The following ARIH1 variants were observed in gnomAD, a reference collection of about 807,000 sequenced individuals.
ARIH1 encodes E3 ubiquitin-protein ligase ARIH1.
ARIH1 carries 8 observed loss-of-function variants against 85.0 expected under a neutral mutation model. The observed-to-expected ratio is 0.09, with a 90% confidence interval of 0.06 to 0.17. The LOEUF (loss-of-function observed/expected upper bound fraction) is 0.17. Among genes scored for constraint, ARIH1 ranks in the 10% least tolerant of loss-of-function variants. The probability of loss-of-function intolerance (pLI) is 1.00; values close to 1 mark genes in which losing one functional copy is unlikely to be tolerated. For synonymous variants in ARIH1, 238 were observed against 253.6 expected (o/e 0.94, Z 0.59); for missense variants, 311 against 718.1 (o/e 0.43, Z 6.48).
chr15:72,479,023 G>C (rs1414970435), intron 1 of ARIH1, among the ~76,000 whole-genome samples: 1 of 151,824 alleles, frequency 6.6e-6, no homozygotes, highest in Non-Finnish European at 1.5e-5. Context: ...CTTTTTTGTA[G>C]AGACACAGGG....
intron 1 of ARIH1, among the ~76,000 whole-genome samples, chr15:72,517,126 C>T (rs2063978577): frequency 6.6e-6 from 1 of 152,140 alleles, no homozygotes; most frequent in South Asian, 2.1e-4. Flanking sequence ...GGTAACTTTT[C>T]TTTCTTGAAA....
intron 1 of ARIH1, among the ~76,000 whole-genome samples, chr15:72,504,753 T>C (rs1395319408): frequency 1.3e-5 from 2 of 152,160 alleles, no homozygotes; most frequent in Non-Finnish European, 2.9e-5. Flanking sequence ...TTCAGGCTTT[T>C]TGGTTTGAAG....
chr15:72,502,372 T>G (rs2063907446), intron 1 of ARIH1, among the ~76,000 whole-genome samples: 1 of 152,254 alleles, frequency 6.6e-6, no homozygotes, highest in Admixed American at 6.5e-5. Flanking sequence ...GGCACATTTA[T>G]TAACAAGTTT....
intron 1 of ARIH1, among the ~76,000 whole-genome samples, chr15:72,483,857 T>C (rs2063826187): frequency 6.6e-6 from 1 of 152,000 alleles, no homozygotes; most frequent in Non-Finnish European, 1.5e-5. Context: ...TTTTTTTCAT[T>C]ACTGTTTTTA....
chr15:72,560,994 A>C (rs1469814183), intron 5 of ARIH1, among the ~76,000 whole-genome samples: 1 of 152,214 alleles, frequency 6.6e-6, no homozygotes, highest in Admixed American at 6.5e-5. Context: ...GAGCTCTCAG[A>C]AGAAGAAGGC....
intron 3 of ARIH1, among the ~76,000 whole-genome samples, chr15:72,551,662 GT>G (rs1229564969): frequency 6.6e-6 from 1 of 152,140 alleles, no homozygotes; most frequent in African/African-American, 2.4e-5. Context: ...ACGGTGATAA[GT>G]TTCACTGTGA....
chr15:72,481,482 G>A (rs934266248), intron 1 of ARIH1, among the ~76,000 whole-genome samples: 1 of 152,194 alleles, frequency 6.6e-6, no homozygotes, highest in Admixed American at 6.5e-5. Context: ...ACTGTGCCAG[G>A]CAGATCACTT....
At chr15:72,495,753 G>A (rs958914887) in intron 1 of ARIH1, among the ~76,000 whole-genome samples, 4 of 151,962 alleles carry the variant, frequency 2.6e-5, no homozygotes, top group African/African-American at 9.7e-5. Flanking sequence ...AAAAATTTCT[G>A]TATCAAAACA....
At chr15:72,475,123 G>GTGCCTCCCGGCCTTGTCTTCTCCGC in intron 1 of ARIH1, 109 bp downstream of exon 1, 1 of 1,460,330 alleles carries the variant, frequency 6.8e-7, no homozygotes, top group Non-Finnish European at 9.1e-7. Flanking sequence ...GCCTAGCCCG[G>GTGCCTCCCGGCCTTGTCTTCTCCGC]TGCCTCCCGG....
chr15:72,512,563 A>T (rs1595857492), intron 1 of ARIH1, among the ~76,000 whole-genome samples: 18 of 105,984 alleles, frequency 1.7e-4, no homozygotes, highest in South Asian at 2.9e-4. Flanking sequence ...GCTGTTTATT[A>T]TTCCCTTTCT....
chr15:72,519,475 G>GTTTT (rs150165121), intron 2 of ARIH1, among the ~76,000 whole-genome samples: 34 of 62,552 alleles, frequency 5.4e-4, no homozygotes, highest in South Asian at 1.6e-3. Flanking sequence ...TGTTTTTTTT[G>GTTTT]TTTTTTTTTT....
At chr15:72,483,723 TAAC>T (rs946604143) in intron 1 of ARIH1, among the ~76,000 whole-genome samples, 4 of 152,166 alleles carry the variant, frequency 2.6e-5, no homozygotes, top group African/African-American at 9.7e-5. Context: ...ACATTCCTAA[TAAC>T]CTTTCAGTGG....
At chr15:72,536,428 A>G (rs2064082205) in intron 2 of ARIH1, among the ~76,000 whole-genome samples, 1 of 152,080 alleles carries the variant, frequency 6.6e-6, no homozygotes, top group Non-Finnish European at 1.5e-5. Flanking sequence ...ATTTACCTGC[A>G]TAGTTTTACA....
rs1395374680 is a variant in ARIH1 at position 72,474,522 on chromosome 15, G to A, written c.-118G>A. 30 of 1,300,890 alleles carry A rather than the reference G, an allele frequency of 2.3e-5. No individual in the cohort carries two copies. Among genetic ancestry groups the A allele is most frequent in the Non-Finnish European group, 3.0e-5 (30 of 994,516 alleles). The allele number at this position is 1,300,890 out of a possible 1,614,324, so 80.6% of individuals were successfully genotyped here. On this transcript the variant is annotated 5_prime_UTR_variant, in exon 1 of 14. Transcript: ENST00000379887. ...CCTGGGGAGGAGCCGCGGCTCGCGG[G>A]GCCGGAGCCAGGCCTGCGTCCGGAC... is the stretch of plus-strand genomic sequence containing the variant.
chr15:72,490,875 T>C (rs1453125023), intron 1 of ARIH1, among the ~76,000 whole-genome samples: 1 of 152,114 alleles, frequency 6.6e-6, no homozygotes, highest in Non-Finnish European at 1.5e-5. Flanking sequence ...CCCTGCACTT[T>C]GGGAGGCCGA....
chr15:72,478,208 T>G (rs1356768071), intron 1 of ARIH1, among the ~76,000 whole-genome samples: 1 of 152,096 alleles, frequency 6.6e-6, no homozygotes, highest in African/African-American at 2.4e-5. Context: ...CTCCGCCTCT[T>G]GGGTTCAAGC....
chr15:72,594,761 A>C lies in ARIH1; in HGVS notation c.*11469A>C, dbSNP rs986574323. Reference sequence around the variant, plus strand: ...ATATTAAATAGATACACAACAGTGTAGTCTGCAAATAATGTTTTTACTTCT... The same window carrying C: ...ATATTAAATAGATACACAACAGTGTCGTCTGCAAATAATGTTTTTACTTCT... On this transcript the variant is annotated 3_prime_UTR_variant, in exon 14 of 14. Coordinates refer to ENST00000379887, the MANE Select transcript of ARIH1 (RefSeq NM_005744.5). The C allele has an allele frequency of 1.4e-5, 2 of 145,688 alleles. No homozygotes were observed. Among genetic ancestry groups the C allele is most frequent in the East Asian group, 4.2e-4 (2 of 4,708 alleles). 9.0% of individuals were successfully genotyped at this position (145,688 alleles called of 1,614,324 possible).
At position 72,494,761 on chromosome 15, in the gene ARIH1, G is replaced by T. The variant is rs367976351; in HGVS notation, c.375+19747G>T. On this transcript the variant is annotated intron_variant, in intron 1 of 13. Coordinates refer to ENST00000379887, the MANE Select transcript of ARIH1 (RefSeq NM_005744.5). ...TTAGAATAACCTGTGAAAGAAATGG[G>T]TTAGCAAGGCTGGAATGGAGGAGGG... 1.2e-4 allele frequency among the ~76,000 whole-genome samples: 18 copies of T among 151,784 alleles called. No homozygotes were observed. In the East Asian group the frequency reaches 2.7e-3, roughly 23 times the overall value.
At chr15:72,485,080 G>A (rs1486541855) in intron 1 of ARIH1, among the ~76,000 whole-genome samples, 1 of 152,068 alleles carries the variant, frequency 6.6e-6, no homozygotes, top group Non-Finnish European at 1.5e-5. Context: ...CCACATCCAT[G>A]ACAACATCTA....
Sources: allele counts gnomAD v4.1 joint callset (sites outside exome capture counted in the v4.1 genomes callset), GRCh38; gene constraint gnomAD v4.1.1; transcripts MANE v1.5; gene names NCBI Gene and HGNC (gene_info 2026-07-23, HGNC 2026-07-21).